AP1G1: variants seen among roughly 807,000 people sequenced by gnomAD.
The protein encoded by AP1G1 is adaptor related protein complex 1 subunit gamma 1, also known as AP-1 complex subunit gamma-1.
A neutral mutation model predicts 108.3 loss-of-function variants in AP1G1; 7 were observed. The observed-to-expected ratio is 0.06, with a 90% CI of 0.04 to 0.12. The LOEUF is 0.12. AP1G1 is among the 10% of genes least tolerant of loss of function. The probability of loss-of-function intolerance (pLI) is 1.00; values close to 1 mark genes in which losing one functional copy is unlikely to be tolerated. For missense variants in AP1G1, 756 were observed against 1,010.7 expected (o/e 0.75, Z 3.42); for synonymous variants, 379 against 353.5 (o/e 1.07, Z -0.81).
At chr16:71,748,551 G>A (rs2030310127) in intron 15 of AP1G1, among the ~76,000 whole-genome samples, 173 bp from the exon 16 acceptor site, 1 of 152,128 alleles carries the variant, frequency 6.6e-6, no homozygotes, top group Admixed American at 6.5e-5. Context: ...ATCAACCAGA[G>A]TAGTTGGGGG....
At chr16:71,735,792 T>C (rs557892495) in intron 21 of AP1G1, among the ~76,000 whole-genome samples, 1 of 152,046 alleles carries the variant, frequency 6.6e-6, no homozygotes, top group African/African-American at 2.4e-5. Context: ...AGAGAGACAC[T>C]AGTCTTCTCT....
chr16:71,771,042 C>A, intron 5 of AP1G1, 114 bp downstream of exon 5: 1 of 571,218 alleles, frequency 1.8e-6, no homozygotes, highest in Non-Finnish European at 3.0e-6. Context: ...GTGTCTAAGG[C>A]ACAGCAGAAA....
intron 16 of AP1G1, chr16:71,747,119 A>G (rs1400333158): frequency 6.6e-6 from 1 of 151,972 alleles, no homozygotes; most frequent in Non-Finnish European, 1.5e-5. Context: ...AAATTCTTCC[A>G]GTTCAGAATT....
intron 6 of AP1G1, among the ~76,000 whole-genome samples, chr16:71,768,965 TA>T (rs11374038): frequency 2.8e-5 from 2 of 71,760 alleles, no homozygotes; most frequent in African/African-American, 5.7e-5. Flanking sequence ...TTCCTGCCTT[TA>T]AAAAAAAAAT....
chr16:71,803,937 A>T (rs2032902714), intron 1 of AP1G1, among the ~76,000 whole-genome samples: 1 of 151,842 alleles, frequency 6.6e-6, no homozygotes, highest in Non-Finnish European at 1.5e-5. Context: ...AAAAAAAAAA[A>T]AAAAGACACC....
intron 13 of AP1G1, among the ~76,000 whole-genome samples, chr16:71,753,381 T>C (rs998590221): frequency 7.2e-5 from 11 of 152,246 alleles, no homozygotes; most frequent in African/African-American, 2.7e-4. Context: ...GCTCCGCTTA[T>C]GTCTCTGACA....
At chr16:71,803,497 C>CG (rs2032881927) in intron 1 of AP1G1, among the ~76,000 whole-genome samples, 1 of 152,158 alleles carries the variant, frequency 6.6e-6, no homozygotes, top group African/African-American at 2.4e-5. Flanking sequence ...GCTGACTCAA[C>CG]ACATTTGGCA....
chr16:71,797,371 A>C (rs1325141982), intron 1 of AP1G1, among the ~76,000 whole-genome samples: 1 of 152,134 alleles, frequency 6.6e-6, no homozygotes, highest in Non-Finnish European at 1.5e-5. Context: ...ACTTGCTTTG[A>C]AAAAAAGCAA....
At chr16:71,738,912 AG>A in intron 21 of AP1G1, 29 bp downstream of exon 21, 3 of 1,567,474 alleles carry the variant, frequency 1.9e-6, no homozygotes, top group Non-Finnish European at 2.6e-6. Flanking sequence ...CTTTAATCAA[AG>A]GAAACATCTA....
chr16:71,748,496 C>G lies in AP1G1; in HGVS notation c.1498-118G>C, dbSNP rs1016460929. 9 of 1,177,062 alleles carry G rather than the reference C, an allele frequency of 7.6e-6. No individual in the cohort carries two copies. The African/African-American group carries it at 9.3e-5, about 12-fold the overall frequency. 72.9% of individuals were successfully genotyped at this position (1,177,062 alleles called of 1,614,324 possible). A position where few individuals can be genotyped will look rare whatever the true frequency, so the allele number is the denominator to read the frequency against. On this transcript the variant is annotated intron_variant, in intron 15 of 22. Transcript: ENST00000299980. ...GACAATCCTACCGTTACAAAAGCCTCTAACTCAACCTGTGCTTTGCCAGGG... is the reference window on the plus strand; with the variant it reads ...GACAATCCTACCGTTACAAAAGCCTGTAACTCAACCTGTGCTTTGCCAGGG...
At chr16:71,760,545 CAAAA>C (rs1160425772) in intron 10 of AP1G1, among the ~76,000 whole-genome samples, 6 of 95,174 alleles carry the variant, frequency 6.3e-5, no homozygotes, top group Non-Finnish European at 6.5e-5. Flanking sequence ...AACTCCATCT[CAAAA>C]AAAAAAAAAA....
intron 1 of AP1G1, among the ~76,000 whole-genome samples, chr16:71,795,441 G>A (rs574105703): frequency 6.8e-4 from 103 of 152,328 alleles, no homozygotes; most frequent in Non-Finnish European, 1.9e-4. Context: ...TACTGTGTCA[G>A]TCACAGAATG....
At chr16:71,803,262 A>T (rs1157998569) in intron 1 of AP1G1, among the ~76,000 whole-genome samples, 1 of 152,150 alleles carries the variant, frequency 6.6e-6, no homozygotes, top group African/African-American at 2.4e-5. Context: ...TATAAATTAC[A>T]AAAGTCACAT....
chr16:71,739,819 A>G (rs908242669), intron 19 of AP1G1, among the ~76,000 whole-genome samples: 2 of 152,092 alleles, frequency 1.3e-5, no homozygotes, highest in Non-Finnish European at 2.9e-5. Flanking sequence ...TAATGAATGG[A>G]TAAGTATCCA....
intron 21 of AP1G1, among the ~76,000 whole-genome samples, chr16:71,736,829 G>C (rs567223550): frequency 1.3e-5 from 2 of 149,808 alleles, no homozygotes; most frequent in East Asian, 3.9e-4. Context: ...TCCTGACCTC[G>C]TGGGATCCGC....
chr16:71,774,615 A>G (rs758425023), intron 2 of AP1G1, 23 bp from the exon 3 acceptor site: 35 of 1,551,876 alleles, frequency 2.3e-5, no homozygotes, highest in Non-Finnish European at 2.9e-5. Flanking sequence ...AAAAAAAAAA[A>G]GAAGGAAATT....
chr16:71,752,010 A>C (rs1199540600), intron 13 of AP1G1, among the ~76,000 whole-genome samples: 2 of 152,182 alleles, frequency 1.3e-5, no homozygotes, highest in East Asian at 3.8e-4. Flanking sequence ...GATATTAGCA[A>C]ATCAAACCCA....
intron 6 of AP1G1, among the ~76,000 whole-genome samples, chr16:71,767,262 A>G (rs1396854256): frequency 6.6e-6 from 1 of 152,232 alleles, no homozygotes; most frequent in East Asian, 1.9e-4. Flanking sequence ...TTCATTTTTC[A>G]GACAAAAATG....
chr16:71,792,145 C>G (rs534189074), intron 1 of AP1G1, among the ~76,000 whole-genome samples: 1 of 152,126 alleles, frequency 6.6e-6, no homozygotes, highest in South Asian at 2.1e-4. Context: ...AAACTAGAGA[C>G]GTGAACTATG....
Sources: gnomAD v4.1 joint callset for allele counts (sites outside exome capture counted in the v4.1 genomes callset) on GRCh38, gnomAD v4.1.1 for gene constraint, MANE v1.5 for transcripts, NCBI Gene and HGNC (gene_info 2026-07-23, HGNC 2026-07-21) for gene names.